The following PLEKHO2 variants were observed in gnomAD, a reference collection of about 807,000 sequenced individuals.
The protein encoded by PLEKHO2 is pleckstrin homology domain containing O2.
PLEKHO2 carries 20 observed loss-of-function variants against 32.7 expected under a neutral mutation model. That is an observed-to-expected ratio of 0.61 (90% confidence interval 0.43 to 0.89). PLEKHO2 has a LOEUF of 0.89. Among genes scored for constraint, PLEKHO2 ranks in the 40% least tolerant of loss-of-function variants. The pLI is 0.00. For missense variants in PLEKHO2, 568 were observed against 621.2 expected (o/e 0.91, Z 0.91); for synonymous variants, 247 against 246.3 (o/e 1.00, Z -0.03).
chr15:64,859,271 A>C (rs2084626694), intron 3 of PLEKHO2, among the ~76,000 whole-genome samples: 2 of 152,182 alleles, frequency 1.3e-5, no homozygotes, highest in Admixed American at 6.6e-5. Context: ...AATGATCTTC[A>C]TGGCTCCATG....
In PLEKHO2 at chr15:64,861,523, G is replaced by A. The variant is rs1403261148; in HGVS notation, c.431G>A (p.Arg144Gln). ...SCALEHVTRD[R>Q]VRGGQRRRPP... ...GCCCTGGAGCATGTGACACGGGACCGGGTGCGAGGGGGCCAGCGACGCCGG... is the reference window on the plus strand; with the variant it reads ...GCCCTGGAGCATGTGACACGGGACCAGGTGCGAGGGGGCCAGCGACGCCGG... Residue 144 changes from arginine to glutamine, a missense_variant, in exon 5 of 6, where the codon CGG (arginine) becomes CAG (glutamine). Physicochemically the swap from Arg to Gln is conservative, Grantham distance 43 (BLOSUM62 1). Transcript: ENST00000323544. The A allele has an allele frequency of 3.7e-6, 6 of 1,609,120 alleles. No individual in the cohort carries two copies. Among genetic ancestry groups the A allele is most frequent in the African/African-American group, 1.3e-5 (1 of 74,860 alleles).
intron 3 of PLEKHO2, among the ~76,000 whole-genome samples, chr15:64,858,680 A>G (rs2084622136): frequency 6.6e-6 from 1 of 152,184 alleles, no homozygotes; most frequent in Non-Finnish European, 1.5e-5. Context: ...CAATGGTGCT[A>G]ATTCCTATTA....
chr15:64,849,204 C>T (rs898151454), intron 2 of PLEKHO2, among the ~76,000 whole-genome samples: 2 of 151,968 alleles, frequency 1.3e-5, no homozygotes, highest in African/African-American at 2.4e-5. Flanking sequence ...TGCAGTGGTG[C>T]GATCTCAGCT....
chr15:64,855,225 C>G (rs2084599330), intron 3 of PLEKHO2, among the ~76,000 whole-genome samples, 188 bp downstream of exon 3: 1 of 152,250 alleles, frequency 6.6e-6, no homozygotes, highest in Non-Finnish European at 1.5e-5. Flanking sequence ...TTCCAAGCCC[C>G]TAGTTGATAA....
Position 64,865,147 on chromosome 15 carries a change from C to A in PLEKHO2, c.732C>A (p.Ser244Arg). 1.9e-6 allele frequency: 3 copies of A among 1,614,158 alleles called. No homozygotes were observed. The highest frequency in any genetic ancestry group is 2.5e-6 in the Non-Finnish European group (3 of 1,180,022). The part of the protein sequence containing the change: ...VSASSEVSPE[S>R]QEDSETPAEE... ...CAAGCTCTGAGGTCTCCCCTGAGAGCCAAGAGGACTCAGAGACCCCAGCAG... is the reference window on the plus strand; with the variant it reads ...CAAGCTCTGAGGTCTCCCCTGAGAGACAAGAGGACTCAGAGACCCCAGCAG... The change falls in exon 6 of 6, where the codon AGC becomes AGA. Residue 244 changes from serine (S) to arginine (R), a missense_variant. Ser to Arg is a moderately radical substitution (Grantham distance 110, BLOSUM62 -1). Coordinates refer to ENST00000323544, the MANE Select transcript of PLEKHO2 (RefSeq NM_025201.5).
chr15:64,851,054 G>GT (rs1299991910), intron 2 of PLEKHO2, among the ~76,000 whole-genome samples: 4 of 152,224 alleles, frequency 2.6e-5, no homozygotes, highest in African/African-American at 9.6e-5. Context: ...GATCCAAAGT[G>GT]TTTAAAGGAG....
At position 64,841,993 on chromosome 15, in the gene PLEKHO2, C is replaced by T; in HGVS notation, c.-24C>T. 8.0e-7 allele frequency: 1 copy of T among 1,246,142 alleles called. No individual in the cohort carries two copies. The highest frequency in any genetic ancestry group is 1.0e-6 in the Non-Finnish European group (1 of 995,726). The allele number at this position is 1,246,142 out of a possible 1,614,324, so 77.2% of individuals were successfully genotyped here. ...GCGGCGCTGGAAGCGAGTGGCGGAG[C>T]GGCGGGACCTCGGCGGACTCGCCAT... On this transcript the variant is annotated 5_prime_UTR_variant, in exon 1 of 6. Transcript: ENST00000323544.
At chr15:64,854,513 C>T (rs1359638732) in intron 2 of PLEKHO2, among the ~76,000 whole-genome samples, 1 of 152,210 alleles carries the variant, frequency 6.6e-6, no homozygotes, top group African/African-American at 2.4e-5. Context: ...TGTCCCCCGT[C>T]CCCATCCCAC....
rs563506970 is a variant in PLEKHO2, at chr15:64,841,915, A to G, written c.-102A>G. On this transcript the variant is annotated 5_prime_UTR_variant, in exon 1 of 6. Coordinates refer to ENST00000323544, the MANE Select transcript of PLEKHO2 (RefSeq NM_025201.5). ...TTGGGCCCCCGGCAGCCGGCGGGACAGAACGCGGAGAGTCGCCGCCTGGCC... is the reference window on the plus strand; with the variant it reads ...TTGGGCCCCCGGCAGCCGGCGGGACGGAACGCGGAGAGTCGCCGCCTGGCC... 3 of 1,090,982 alleles carry G rather than the reference A, an allele frequency of 2.7e-6. No individual in the cohort carries two copies. Among genetic ancestry groups the G allele is most frequent in the South Asian group, 4.4e-5 (1 of 22,508 alleles). 67.6% of individuals were successfully genotyped at this position (1,090,982 alleles called of 1,614,324 possible).
Position 64,866,004 on chromosome 15 carries a change from G to A in PLEKHO2, c.*116G>A. 3 of 1,314,248 alleles carry A rather than the reference G, an allele frequency of 2.3e-6. 1 individual carries two copies. Among genetic ancestry groups the A allele is most frequent in the Middle Eastern group, 5.0e-4 (2 of 3,972 alleles). The allele number at this position is 1,314,248 out of a possible 1,614,324, so 81.4% of individuals were successfully genotyped here. Reference sequence around the variant, plus strand: ...AGCAATGGCTGCAGGAGGGCCATTGGGCATGTCAGGGTTTGGCCATGACCC... The same window carrying A: ...AGCAATGGCTGCAGGAGGGCCATTGAGCATGTCAGGGTTTGGCCATGACCC... On this transcript the variant is annotated 3_prime_UTR_variant, in exon 6 of 6. Transcript: ENST00000323544.
Position 64,861,587 on chromosome 15 carries a change from C to G in PLEKHO2, c.483+12C>G. 1 of 1,578,520 alleles carries G rather than the reference C, an allele frequency of 6.3e-7. No individual in the cohort carries two copies. The highest frequency in any genetic ancestry group is 8.6e-7 in the Non-Finnish European group (1 of 1,163,200). On this transcript the variant is annotated intron_variant, in intron 5 of 5. Transcript: ENST00000323544. ...TCCACCTGAAGGAGGTAGGGCCTTA[C>G]CCAGTGTGGATGTTGGGGTTAGTTG...
chr15:64,863,731 G>A (rs1352705470), intron 5 of PLEKHO2, among the ~76,000 whole-genome samples: 4 of 142,952 alleles, frequency 2.8e-5, no homozygotes, highest in Non-Finnish European at 6.0e-5. Context: ...CAGCTTGGGT[G>A]ACAGTGCGAG....
chr15:64,860,029 CTG>C (rs1357529837), intron 4 of PLEKHO2, 31 bp downstream of exon 4: 1 of 1,578,872 alleles, frequency 6.3e-7, no homozygotes. Context: ...ATGGACAGCT[CTG>C]TGTCTCCTTT....
At chr15:64,848,772 G>C in intron 2 of PLEKHO2, 30 bp downstream of exon 2, 1 of 1,613,098 alleles carries the variant, frequency 6.2e-7, no homozygotes, top group Non-Finnish European at 8.5e-7. Context: ...TGAGATTGGG[G>C]GTTCTGGGAC....
Position 64,859,604 on chromosome 15 carries a change from G to A in PLEKHO2, c.280-290G>A, listed in dbSNP as rs543540579. Among the ~76,000 whole-genome samples, 5 of 152,352 alleles carry A rather than the reference G, an allele frequency of 3.3e-5. No individual in the cohort carries two copies. In the East Asian group the frequency reaches 9.6e-4, roughly 29 times the overall value. On this transcript the variant is annotated intron_variant, in intron 3 of 5. Coordinates refer to ENST00000323544, the MANE Select transcript of PLEKHO2 (RefSeq NM_025201.5). ...TTCCTACTTTTCAGAGTAAACGGAAGCCCAGAGCCCAGGCAGCTGGCCTGG... is the reference window on the plus strand; with the variant it reads ...TTCCTACTTTTCAGAGTAAACGGAAACCCAGAGCCCAGGCAGCTGGCCTGG...
At chr15:64,857,921 G>A (rs763601526) in intron 3 of PLEKHO2, among the ~76,000 whole-genome samples, 1 of 152,152 alleles carries the variant, frequency 6.6e-6, no homozygotes, top group Non-Finnish European at 1.5e-5. Context: ...TGTTCCATTG[G>A]CTCCTGAGTT....
At chr15:64,848,501 C>A in intron 1 of PLEKHO2, 92 bp from the exon 2 acceptor site, 1 of 1,463,270 alleles carries the variant, frequency 6.8e-7, no homozygotes, top group Non-Finnish European at 9.5e-7. Context: ...AGGTACTTAG[C>A]CTAGGGACAC....
chr15:64,853,252 T>C (rs945228387), intron 2 of PLEKHO2, among the ~76,000 whole-genome samples: 3 of 151,074 alleles, frequency 2.0e-5, no homozygotes, highest in Non-Finnish European at 4.4e-5. Context: ...GGATGAGGCC[T>C]GGGGGTTTGC....
chr15:64,857,859 G>A (rs185334385), intron 3 of PLEKHO2, among the ~76,000 whole-genome samples: 6 of 152,308 alleles, frequency 3.9e-5, no homozygotes, highest in Non-Finnish European at 8.8e-5. Context: ...GTAATGAAGC[G>A]AGTAGAACTT....
Sources: gnomAD v4.1 joint callset for allele counts (sites outside exome capture counted in the v4.1 genomes callset) on GRCh38, gnomAD v4.1.1 for gene constraint, MANE v1.5 for transcripts, NCBI Gene and HGNC (gene_info 2026-07-23, HGNC 2026-07-21) for gene names.